Variants in DDB1 observed in about 807,000 individuals in gnomAD.
DDB1 encodes the protein DNA damage-binding protein 1.
In DDB1, 18 loss-of-function variants were observed where a neutral mutation model predicts 133.1. The ratio of observed to expected loss-of-function variants is 0.14; its 90% CI spans 0.09 to 0.20. The LOEUF (loss-of-function observed/expected upper bound fraction) is 0.20. DDB1 is among the 10% of genes least tolerant of loss of function. The pLI is 1.00. For missense variants in DDB1, 828 were observed against 1,459.2 expected (o/e 0.57, Z 7.05); for synonymous variants, 580 against 550.5 (o/e 1.05, Z -0.75).
rs1346180573 is a variant in DDB1, at chr11:61,332,988, C to A, written c.-20G>T. The A allele has an allele frequency of 1.3e-6, 2 of 1,491,830 alleles. No homozygotes were observed. The highest frequency in any genetic ancestry group is 1.4e-5 in the African/African-American group (1 of 69,102). The allele number at this position is 1,491,830 out of a possible 1,614,324, so 92.4% of individuals were successfully genotyped here. A position where few individuals can be genotyped will look rare whatever the true frequency, so the allele number is the denominator to read the frequency against. ...CGACATGTCGAGGCTTGGAGCGGCCCGTCGGGACTCGAGCGCGACACTAGA... is the reference window on the plus strand; with the variant it reads ...CGACATGTCGAGGCTTGGAGCGGCCAGTCGGGACTCGAGCGCGACACTAGA... On this transcript the variant is annotated 5_prime_UTR_variant, in exon 1 of 27. Coordinates refer to ENST00000301764, the MANE Select transcript of DDB1 (RefSeq NM_001923.5).
At chr11:61,329,627 C>T in intron 3 of DDB1, 43 bp from the exon 4 acceptor site, 2 of 1,541,892 alleles carry the variant, frequency 1.3e-6, no homozygotes, top group South Asian at 2.3e-5. Context: ...TCAACATCCA[C>T]AGAGCAACAG....
chr11:61,301,941 T>C (rs1855802689), intron 25 of DDB1: 1 of 227,324 alleles, frequency 4.4e-6, no homozygotes, highest in Non-Finnish European at 8.9e-6. Context: ...GATGTGCTCC[T>C]GTGTTGTGAT....
At chr11:61,304,418 GATC>G (rs1286324637) in intron 21 of DDB1, among the ~76,000 whole-genome samples, 2 of 151,830 alleles carry the variant, frequency 1.3e-5, no homozygotes, top group Non-Finnish European at 2.9e-5. Flanking sequence ...GCTGAGCTGA[GATC>G]ATGCCACTGC....
At position 61,332,997 on chromosome 11, in the gene DDB1, T is replaced by G; in HGVS notation, c.-29A>C. ...GAGGCTTGGAGCGGCCCGTCGGGAC[T>G]CGAGCGCGACACTAGAAAGAGGGAC... On this transcript the variant is annotated 5_prime_UTR_variant, in exon 1 of 27. Transcript: ENST00000301764. 6.7e-7 allele frequency: 1 copy of G among 1,485,166 alleles called. No homozygotes were observed. The highest frequency in any genetic ancestry group is 9.0e-7 in the Non-Finnish European group (1 of 1,108,574). 92.0% of individuals were successfully genotyped at this position (1,485,166 alleles called of 1,614,324 possible).
At chr11:61,304,119 C>G in intron 21 of DDB1, 84 bp from the exon 22 acceptor site, 1 of 1,490,702 alleles carries the variant, frequency 6.7e-7, no homozygotes, top group Non-Finnish European at 9.2e-7. Flanking sequence ...CCTTCATCTG[C>G]AGCACTACTT....
intron 22 of DDB1, 36 bp downstream of exon 22, chr11:61,303,829 G>A: frequency 6.2e-7 from 1 of 1,608,614 alleles, no homozygotes; most frequent in South Asian, 1.1e-5. Flanking sequence ...GGTGGCTCAA[G>A]CAAGAAGTCT....
At chr11:61,309,983 C>A (rs368233386) in intron 19 of DDB1, 23 bp from the exon 20 acceptor site, 2 of 1,614,174 alleles carry the variant, frequency 1.2e-6, no homozygotes, top group South Asian at 1.1e-5. Context: ...GAGATGACTA[C>A]GTGATGACAG....
chr11:61,319,175 C>T (rs567320256), intron 10 of DDB1, among the ~76,000 whole-genome samples: 2 of 152,318 alleles, frequency 1.3e-5, no homozygotes, highest in South Asian at 4.2e-4. Context: ...CACTGTACCC[C>T]AGCCTGGGTG....
rs752982571 is a variant in DDB1, at chr11:61,314,458, G to A, written c.1439C>T (p.Ser480Phe). The A allele has an allele frequency of 9.3e-6, 15 of 1,613,428 alleles. No homozygotes were observed. Among genetic ancestry groups the A allele is most frequent in the Non-Finnish European group, 1.3e-5 (15 of 1,179,834 alleles). The change falls in exon 13 of 27, where the codon TCT becomes TTT. Residue 480 changes from serine (S) to phenylalanine (F), a missense_variant. By Grantham distance (155) the Ser-to-Phe change is radical. This residue lies in a region of DDB1 where 396 missense variants were observed against 554.1 expected (regional missense o/e 0.71). Coordinates refer to ENST00000301764, the MANE Select transcript of DDB1 (RefSeq NM_001923.5). ...QITSASVRLV[S>F]QEPKALVSEW... ...ACTGACCAGAGCTTTGGGTTCTTGA[G>A]AGACCAACCTCACCGATGCTGAAGT...
chr11:61,316,685 G>A, intron 10 of DDB1, 118 bp from the exon 11 acceptor site: 1 of 1,084,284 alleles, frequency 9.2e-7, no homozygotes, highest in Non-Finnish European at 1.4e-6. Context: ...ACTTGGGAAG[G>A]CAGAGGCAGG....
intron 25 of DDB1, 137 bp from the exon 26 acceptor site, chr11:61,301,069 T>G: frequency 1.6e-6 from 2 of 1,262,548 alleles, no homozygotes; most frequent in South Asian, 3.1e-5. Flanking sequence ...CTTGCTTTTA[T>G]TTGGACATTT....
rs1169556093 is a variant in DDB1, at chr11:61,325,651, T to C, written c.722A>G (p.Asn241Ser). The C allele has an allele frequency of 6.8e-6, 11 of 1,613,920 alleles. No homozygotes were observed. The highest frequency in any genetic ancestry group is 1.6e-4 in the Middle Eastern group (1 of 6,062). ...GGCAATAGCCAGGTATTTGTCACCA[T>C]TGTGATAGGTGATTGACTCCTGTCC... Reference protein sequence around the residue: ...IIGQESITYHNGDKYLAIAPP... With the variant: ...IIGQESITYHSGDKYLAIAPP... Residue 241 changes from asparagine (N) to serine (S), a missense_variant, in exon 6 of 27, where the codon AAT (asparagine) becomes AGT (serine). Asn to Ser is a conservative substitution (Grantham distance 46, BLOSUM62 1). Around this residue, in one of 7 missense-constraint regions of DDB1, gnomAD observed 210 missense variants for 344.8 expected, o/e 0.61. Coordinates refer to ENST00000301764, the MANE Select transcript of DDB1 (RefSeq NM_001923.5).
intron 7 of DDB1, chr11:61,323,509 C>A: frequency 4.1e-6 from 1 of 244,582 alleles, no homozygotes; most frequent in South Asian, 5.5e-5. Flanking sequence ...CCTCCCCGGG[C>A]TAAGGTGATC....
chr11:61,299,833 G>C lies in DDB1; in HGVS notation c.*303C>G, dbSNP rs1204864567. 1.1e-5 allele frequency: 5 copies of C among 466,702 alleles called. No homozygotes were observed. The highest frequency in any genetic ancestry group is 2.0e-5 in the Non-Finnish European group (5 of 251,984). The allele number at this position is 466,702 out of a possible 1,614,324, so 28.9% of individuals were successfully genotyped here. On this transcript the variant is annotated 3_prime_UTR_variant, in exon 27 of 27. Coordinates refer to ENST00000301764, the MANE Select transcript of DDB1 (RefSeq NM_001923.5). ...CACGCACAGCTTCCTTTCAGCCAAA[G>C]AACTGCAAAATCCTTCCCCGGAAGG...
At chr11:61,300,552 ATATG>A (rs1240145444) in intron 26 of DDB1, among the ~76,000 whole-genome samples, 1 of 152,224 alleles carries the variant, frequency 6.6e-6, no homozygotes, top group Non-Finnish European at 1.5e-5. Context: ...AAGATCCCAG[ATATG>A]TCTTCACTGC....
In DDB1 at chr11:61,302,284, T is replaced by C. The variant is rs780649504; in HGVS notation, c.3188A>G (p.Lys1063Arg). The change falls in exon 25 of 27, where the codon AAA becomes AGA. Residue 1063 changes from lysine (K) to arginine (R), a missense_variant. By Grantham distance (26) the Lys-to-Arg change is conservative. Coordinates refer to ENST00000301764, the MANE Select transcript of DDB1 (RefSeq NM_001923.5). ...DMQNRLNKVI[K>R]SVGKIEHSFW... ...GGAGTGCTCGATCTTCCCCACACTT[T>C]TGATGACTTTATTGAGTCGATTCTG... 1.9e-6 allele frequency: 3 copies of C among 1,614,212 alleles called. No individual in the cohort carries two copies. The highest frequency in any genetic ancestry group is 2.2e-5 in the South Asian group (2 of 91,080).
intron 26 of DDB1, among the ~76,000 whole-genome samples, chr11:61,300,441 G>A (rs752496342): frequency 7.2e-5 from 11 of 152,074 alleles, no homozygotes; most frequent in Non-Finnish European, 1.5e-4. Flanking sequence ...TGCTATCCCC[G>A]AGACACCATC....
intron 21 of DDB1, among the ~76,000 whole-genome samples, chr11:61,304,660 G>A (rs896161806): frequency 1.3e-5 from 2 of 151,986 alleles, no homozygotes; most frequent in African/African-American, 4.8e-5. Context: ...AGATCATGAG[G>A]TCAGGAGAAC....
intron 10 of DDB1, among the ~76,000 whole-genome samples, chr11:61,319,147 G>A (rs1856136000): frequency 6.6e-6 from 1 of 152,142 alleles, no homozygotes; most frequent in African/African-American, 2.4e-5. Context: ...TTGAGGCTAT[G>A]GTAAGCCGTG....
Sources: allele counts gnomAD v4.1 joint callset (sites outside exome capture counted in the v4.1 genomes callset), GRCh38; gene constraint gnomAD v4.1.1; regional missense constraint gnomAD v4.1.1; transcripts MANE v1.5; gene names NCBI Gene and HGNC (gene_info 2026-07-23, HGNC 2026-07-21).